The following PDE1C variants were observed in gnomAD, a reference collection of about 807,000 sequenced individuals.
PDE1C encodes the protein dual specificity calcium/calmodulin-dependent 3',5'-cyclic nucleotide phosphodiesterase 1C.
Under a neutral mutation model 93.1 loss-of-function variants are expected in PDE1C, and 62 were observed. The ratio of observed to expected loss-of-function variants is 0.67; its 90% confidence interval spans 0.54 to 0.82. The LOEUF is 0.82. PDE1C is among the 40% of genes least tolerant of loss of function. The probability of loss-of-function intolerance (pLI) is 0.00; values close to 1 mark genes in which losing one functional copy is unlikely to be tolerated. For missense variants in PDE1C, 742 were observed against 884.6 expected, an observed-to-expected ratio of 0.84 and a Z score of 2.04; for synonymous variants, 325 against 310.1, an observed-to-expected ratio of 1.05 and a Z score of -0.50.
chr7:31,922,223 T>C (rs1583982814), intron 2 of PDE1C, among the ~76,000 whole-genome samples: 2 of 152,230 alleles, frequency 1.3e-5, no homozygotes, highest in African/African-American at 4.8e-5. Flanking sequence ...TCAGATTGTT[T>C]TGTGTAGACT....
At chr7:31,636,868 TCCCTCCC>T in the PDE1C span, among the ~76,000 whole-genome samples, 36 of 112,964 alleles carry the variant, frequency 3.2e-4, no homozygotes, top group African/African-American at 7.2e-4. Flanking sequence ...CCTAATGCTA[TCCCTCCC>T]CCCTCCCCCC....
At chr7:31,965,623 C>A (rs1272424145) in intron 2 of PDE1C, among the ~76,000 whole-genome samples, 17 of 152,112 alleles carry the variant, frequency 1.1e-4, no homozygotes. Context: ...CAAAGATACT[C>A]CTCGAGAAGA....
chr7:32,028,197 C>T (rs1789752285), intron 2 of PDE1C, among the ~76,000 whole-genome samples: 1 of 152,144 alleles, frequency 6.6e-6, no homozygotes, highest in South Asian at 2.1e-4. Context: ...ATCATTTTAA[C>T]ATGTGACCAT....
At chr7:32,100,099 T>G (rs1180098682) in intron 3 of PDE1C, among the ~76,000 whole-genome samples, 3 of 152,188 alleles carry the variant, frequency 2.0e-5, no homozygotes, top group African/African-American at 7.2e-5. Flanking sequence ...TCCCTTAGAC[T>G]CCATCCCATG....
chr7:32,341,214 C>G (rs1783745502), intron 1 of PDE1C, among the ~76,000 whole-genome samples: 1 of 103,492 alleles, frequency 9.7e-6, no homozygotes, highest in African/African-American at 3.7e-5. Flanking sequence ...CTCGCTCTGT[C>G]GCCCAGGCTG....
At chr7:31,966,980 A>C (rs1403732643) in intron 2 of PDE1C, among the ~76,000 whole-genome samples, 2 of 152,170 alleles carry the variant, frequency 1.3e-5, no homozygotes, top group African/African-American at 4.8e-5. Context: ...GGAAATTTAT[A>C]GCACTAAATG....
At chr7:31,943,584 C>A (rs1584106539) in intron 2 of PDE1C, among the ~76,000 whole-genome samples, 1 of 152,142 alleles carries the variant, frequency 6.6e-6, no homozygotes, top group African/African-American at 2.4e-5. Flanking sequence ...GAAGCAAGTT[C>A]ACCAACAGTA....
chr7:31,975,898 T>C (rs969841871), intron 2 of PDE1C, among the ~76,000 whole-genome samples: 19 of 152,320 alleles, frequency 1.2e-4, no homozygotes, highest in African/African-American at 4.6e-4. Context: ...CTCCTCCACA[T>C]TTAACCGAAA....
In PDE1C at chr7:31,997,988, T is replaced by TTTTTATTTTA. The variant is rs1360599386; in HGVS notation, c.128+53556_128+53565dup. On this transcript the variant is annotated intron_variant, in intron 2 of 17. Coordinates refer to ENST00000396191, the MANE Select transcript of PDE1C (RefSeq NM_001191057.4). ...CTATGTGGCTGTTAGAAACATCTTA[T>TTTTTATTTTA]TTTTATTTTATTTTATTTTATTTTT... Among the ~76,000 whole-genome samples the TTTTTATTTTA allele has an allele frequency of 1.5e-4, 22 of 149,344 alleles. No homozygotes were observed. The East Asian group carries it at 4.2e-3, about 28-fold the overall frequency.
At chr7:31,938,277 A>C (rs1253112634) in intron 2 of PDE1C, among the ~76,000 whole-genome samples, 1 of 151,902 alleles carries the variant, frequency 6.6e-6, no homozygotes, top group Non-Finnish European at 1.5e-5. Flanking sequence ...ACAGGCATCT[A>C]AAAATTTCTA....
intron 1 of PDE1C, among the ~76,000 whole-genome samples, chr7:32,298,049 TCTCTCTCTCTCTCTCC>T (rs1274302031): frequency 0.032 from 2,534 of 77,986 alleles, 798 homozygotes; most frequent in African/African-American, 0.13. Context: ...TCTCTCTCTC[TCTCTCTCTCTCTCTCC>T]CCTCTCTCTC....
chr7:31,653,068 T>TC, the PDE1C span: 2 of 1,014,446 alleles, frequency 2.0e-6, no homozygotes, highest in Non-Finnish European at 2.7e-6. Flanking sequence ...GACTAAATAG[T>TC]ATACGGTCTC....
At chr7:31,740,467 G>A in the PDE1C span, among the ~76,000 whole-genome samples, 1 of 151,980 alleles carries the variant, frequency 6.6e-6, no homozygotes, top group African/African-American at 2.4e-5. Flanking sequence ...CAAATGCCTG[G>A]GTTATAAATC....
rs115608374 is a variant in PDE1C at position 32,272,949 on chromosome 7, A to C, written c.85+25702T>G. On this transcript the variant is annotated intron_variant, in intron 1 of 18. Transcript: ENST00000396193. ...ATGGGTCTATACTATAATATTAACA[A>C]GTATTTATTAAGCATCTACCATATG... is the stretch of plus-strand genomic sequence containing the variant. Among the ~76,000 whole-genome samples the C allele has an allele frequency of 5.9e-3, 898 of 152,378 alleles. 8 individuals carry two copies. The highest frequency in any genetic ancestry group is 0.021 in the African/African-American group (859 of 41,588).
intron 2 of PDE1C, among the ~76,000 whole-genome samples, chr7:31,963,962 A>G (rs546346289): frequency 2.6e-5 from 4 of 152,322 alleles, no homozygotes; most frequent in African/African-American, 7.2e-5. Context: ...GGTGTTAAGA[A>G]AAAAGTGGGG....
chr7:31,858,976 G>A (rs1369672012), intron 7 of PDE1C, among the ~76,000 whole-genome samples: 1 of 151,396 alleles, frequency 6.6e-6, no homozygotes, highest in Non-Finnish European at 1.5e-5. Flanking sequence ...TATGCAAGGA[G>A]GCTAACCAGA....
At chr7:31,679,783 G>T in the PDE1C span, among the ~76,000 whole-genome samples, 1 of 152,140 alleles carries the variant, frequency 6.6e-6, no homozygotes, top group African/African-American at 2.4e-5. Context: ...CTCCAACAAG[G>T]CAGCCTTATA....
chr7:32,070,151 A>C, intron 1 of PDE1C, 142 bp downstream of exon 1: 1 of 1,402,564 alleles, frequency 7.1e-7, no homozygotes, highest in Non-Finnish European at 9.6e-7. Flanking sequence ...GACTGTAATT[A>C]ACAGAGCAGC....
intron 1 of PDE1C, among the ~76,000 whole-genome samples, chr7:32,388,100 G>A (rs1784677044): frequency 6.6e-6 from 1 of 152,160 alleles, no homozygotes; most frequent in Non-Finnish European, 1.5e-5. Flanking sequence ...TCACACCGAT[G>A]TAATAGCCAG....
Sources: allele counts gnomAD v4.1 joint callset (sites outside exome capture counted in the v4.1 genomes callset), GRCh38; gene constraint gnomAD v4.1.1; transcripts MANE v1.5; gene names NCBI Gene and HGNC (gene_info 2026-07-23, HGNC 2026-07-21).